The following HACD4 variants were observed in gnomAD, a reference collection of about 807,000 sequenced individuals.
The protein encoded by HACD4 is very-long-chain (3R)-3-hydroxyacyl-CoA dehydratase 4.
HACD4 carries 35 observed loss-of-function variants against 33.3 expected under a neutral mutation model. The observed-to-expected ratio is 1.05, with a 90% CI of 0.80 to 1.39. The LOEUF is 1.39. HACD4 is among the 40% of genes most tolerant of loss of function. HACD4 has a pLI of 0.00. For missense variants in HACD4, 323 were observed against 276.5 expected (o/e 1.17, Z -1.19); for synonymous variants, 118 against 98.0 (o/e 1.20, Z -1.21).
At chr9:21,014,046 C>T (rs1842499944) in intron 4 of HACD4, among the ~76,000 whole-genome samples, 1 of 152,138 alleles carries the variant, frequency 6.6e-6, no homozygotes, top group African/African-American at 2.4e-5. Context: ...AGTCTTTCAT[C>T]ATTAACTATC....
intron 3 of HACD4, among the ~76,000 whole-genome samples, chr9:21,024,139 G>T (rs1818005617): frequency 6.6e-6 from 1 of 152,194 alleles, no homozygotes; most frequent in African/African-American, 2.4e-5. Context: ...ATGAAACTTT[G>T]GGCACAAAGG....
chr9:21,014,697 T>G (rs1231268001), intron 4 of HACD4, among the ~76,000 whole-genome samples: 3 of 152,194 alleles, frequency 2.0e-5, no homozygotes, highest in Admixed American at 6.5e-5. Flanking sequence ...AGGGTGAATT[T>G]TATGGTATAT....
chr9:21,007,070 G>T lies in HACD4; in HGVS notation c.666C>A (p.Leu222=). ...SHLYSERRDI[L]GIFPIKKKKM is the part of the protein sequence containing the mutation. ...TCTTTTTTTTAATGGGAAAGATTCC[G>T]AGGATGTCTCTTCTTTCTGAGTATA... is the stretch of plus-strand genomic sequence containing the variant. Residue 222 remains leucine (L), a synonymous_variant, in exon 7 of 7, where the codon CTC becomes CTA. Coordinates refer to ENST00000495827, the MANE Select transcript of HACD4 (RefSeq NM_001010915.5). The T allele has an allele frequency of 6.3e-7, 1 of 1,586,662 alleles. No individual in the cohort carries two copies. Among genetic ancestry groups the T allele is most frequent in the Non-Finnish European group, 8.7e-7 (1 of 1,155,288 alleles).
intron 3 of HACD4, among the ~76,000 whole-genome samples, chr9:21,018,154 T>A (rs1817810532): frequency 6.6e-6 from 1 of 152,142 alleles, no homozygotes; most frequent in Non-Finnish European, 1.5e-5. Flanking sequence ...TCAATGGCAA[T>A]ACAATGGGGA....
chr9:21,015,805 T>G (rs913962523), intron 4 of HACD4, 93 bp downstream of exon 4: 5 of 698,656 alleles, frequency 7.2e-6, no homozygotes, highest in Non-Finnish European at 1.0e-5. Context: ...TGTTTTCCTC[T>G]CTCGTACCAA....
chr9:21,029,840 C>A (rs1180499663), intron 1 of HACD4, among the ~76,000 whole-genome samples: 1 of 152,048 alleles, frequency 6.6e-6, no homozygotes, highest in Admixed American at 6.5e-5. Context: ...ATCATGCGGC[C>A]GACTGGGAGC....
At position 21,004,028 on chromosome 9, in the gene HACD4, T is replaced by TA. The variant is rs1842211504; in HGVS notation, c.*3008dup. 6.6e-6 allele frequency: 1 copy of TA among 152,206 alleles called. No homozygotes were observed. The highest frequency in any genetic ancestry group is 2.4e-5 in the African/African-American group (1 of 41,456). The allele number at this position is 152,206 out of a possible 1,614,324, so 9.4% of individuals were successfully genotyped here. A position where few individuals can be genotyped will look rare whatever the true frequency, so the allele number is the denominator to read the frequency against. On this transcript the variant is annotated 3_prime_UTR_variant, in exon 7 of 7. Transcript: ENST00000495827. The surrounding 1 kb of genome is among the most constrained non-coding windows in gnomAD (Gnocchi z 4.6). ...TTCATTAGGGTCTTCTCTTTTGAGA[T>TA]AGAGTCTCACTCTGTCACCCAGGCT...
chr9:21,005,235 G>A lies in HACD4; in HGVS notation c.*1802C>T, dbSNP rs1433848613. The A allele has an allele frequency of 3.3e-5, 5 of 152,110 alleles. No individual in the cohort carries two copies. Among genetic ancestry groups the A allele is most frequent in the Admixed American group, 6.6e-5 (1 of 15,262 alleles). The allele number at this position is 152,110 out of a possible 1,614,324, so 9.4% of individuals were successfully genotyped here. ...CCAACCAGTGTTGAAGGAGTGCCTCGGTTTATCTTGACTGCTTAAAGTAAA... is the reference window on the plus strand; with the variant it reads ...CCAACCAGTGTTGAAGGAGTGCCTCAGTTTATCTTGACTGCTTAAAGTAAA... On this transcript the variant is annotated 3_prime_UTR_variant, in exon 7 of 7. Coordinates refer to ENST00000495827, the MANE Select transcript of HACD4 (RefSeq NM_001010915.5). The surrounding 1 kb of genome is among the most constrained non-coding windows in gnomAD (Gnocchi z 4.0).
In HACD4 at chr9:21,006,958, C is replaced by A. The variant is rs955000539; in HGVS notation, c.*79G>T. The A allele has an allele frequency of 2.3e-6, 2 of 852,466 alleles. No individual in the cohort carries two copies. The highest frequency in any genetic ancestry group is 3.5e-5 in the Admixed American group (2 of 57,028). The allele number at this position is 852,466 out of a possible 1,614,324, so 52.8% of individuals were successfully genotyped here. A position where few individuals can be genotyped will look rare whatever the true frequency, so the allele number is the denominator to read the frequency against. On this transcript the variant is annotated 3_prime_UTR_variant, in exon 7 of 7. Transcript: ENST00000495827. The surrounding 1 kb of genome is among the most constrained non-coding windows in gnomAD (Gnocchi z 4.6). ...TTATCAAATACAAGGTATTTTTCCA[C>A]CAGAATACTTCCTGTGTTTTATTTA...
chr9:21,005,698 G>C lies in HACD4; in HGVS notation c.*1339C>G, dbSNP rs993754071. 1 of 152,236 alleles carries C rather than the reference G, an allele frequency of 6.6e-6. No homozygotes were observed. The highest frequency in any genetic ancestry group is 2.4e-5 in the African/African-American group (1 of 41,424). 9.4% of individuals were successfully genotyped at this position (152,236 alleles called of 1,614,324 possible). ...TGACAGCTTCCGCCTGGTGATATGGGGGTCATCCTCCTCCAACATAGTCCT... is the reference window on the plus strand; with the variant it reads ...TGACAGCTTCCGCCTGGTGATATGGCGGTCATCCTCCTCCAACATAGTCCT... On this transcript the variant is annotated 3_prime_UTR_variant, in exon 7 of 7. Transcript: ENST00000495827. The surrounding 1 kb of genome is among the most constrained non-coding windows in gnomAD (Gnocchi z 4.0).
intron 4 of HACD4, 130 bp downstream of exon 4, chr9:21,015,768 A>G (rs1345387497): frequency 3.6e-6 from 2 of 551,424 alleles, no homozygotes; most frequent in African/African-American, 3.9e-5. Flanking sequence ...TTTCCATATC[A>G]AGATAAAATA....
At chr9:21,021,982 C>A (rs1283092631) in intron 3 of HACD4, among the ~76,000 whole-genome samples, 1 of 152,112 alleles carries the variant, frequency 6.6e-6, no homozygotes, top group Non-Finnish European at 1.5e-5. Context: ...TCAAACTATA[C>A]TACAAGGCTA....
At chr9:21,017,082 A>G (rs1030339746) in intron 3 of HACD4, among the ~76,000 whole-genome samples, 2 of 152,204 alleles carry the variant, frequency 1.3e-5, no homozygotes, top group Non-Finnish European at 2.9e-5. Context: ...TATACTTAAG[A>G]TTGAACAGTC....
Position 21,003,536 on chromosome 9 carries a change from C to T in HACD4, c.*3501G>A, listed in dbSNP as rs1842200397. On this transcript the variant is annotated 3_prime_UTR_variant, in exon 7 of 7. Coordinates refer to ENST00000495827, the MANE Select transcript of HACD4 (RefSeq NM_001010915.5). ...TTTTAAAAGGATAATTTTTTAAAATCCAAATATATTTATAAAGATTTCAAG... is the reference window on the plus strand; with the variant it reads ...TTTTAAAAGGATAATTTTTTAAAATTCAAATATATTTATAAAGATTTCAAG... 1 of 151,992 alleles carries T rather than the reference C, an allele frequency of 6.6e-6. No homozygotes were observed. The highest frequency in any genetic ancestry group is 6.6e-5 in the Admixed American group (1 of 15,260). 9.4% of individuals were successfully genotyped at this position (151,992 alleles called of 1,614,324 possible).
Position 21,007,981 on chromosome 9 carries a change from A to G in HACD4, c.616+40T>C, listed in dbSNP as rs1432447692. ...AGACGGCAAGCACTAACCAAAAAGT[A>G]CAGGAAAAATGCAAAAACAAGACCA... On this transcript the variant is annotated intron_variant, in intron 6 of 6. Transcript: ENST00000495827. 1.9e-6 allele frequency: 3 copies of G among 1,561,834 alleles called. No individual in the cohort carries two copies. In the South Asian group the frequency reaches 3.6e-5, roughly 19 times the overall value.
At chr9:21,028,206 A>G (rs990882999) in intron 2 of HACD4, among the ~76,000 whole-genome samples, 1 of 152,140 alleles carries the variant, frequency 6.6e-6, no homozygotes, top group Non-Finnish European at 1.5e-5. Context: ...TTGATGACTA[A>G]GGCAACTTTT....
At chr9:21,017,354 G>GA (rs1276246642) in intron 3 of HACD4, among the ~76,000 whole-genome samples, 1 of 152,152 alleles carries the variant, frequency 6.6e-6, no homozygotes, top group African/African-American at 2.4e-5. Flanking sequence ...AATTATATAT[G>GA]ATTCAAACCT....
intron 3 of HACD4, among the ~76,000 whole-genome samples, chr9:21,021,960 C>G (rs191656519): frequency 0.012 from 1,850 of 152,204 alleles, 33 homozygotes; most frequent in African/African-American, 0.039. Context: ...AGAGGCATCA[C>G]GCTACCTGAC....
At chr9:21,012,352 C>T (rs1320831470) in intron 4 of HACD4, among the ~76,000 whole-genome samples, 1 of 152,242 alleles carries the variant, frequency 6.6e-6, no homozygotes, top group Non-Finnish European at 1.5e-5. Flanking sequence ...TCCAATGGAA[C>T]TGTGGTACAC....
Sources: gnomAD v4.1 joint callset for allele counts (sites outside exome capture counted in the v4.1 genomes callset) on GRCh38, gnomAD v4.1.1 for gene constraint, Gnocchi (gnomAD v3.1) non-coding constraint, MANE v1.5 for transcripts, NCBI Gene and HGNC (gene_info 2026-07-23, HGNC 2026-07-21) for gene names.